SUGCT: variants seen among roughly 807,000 people sequenced by gnomAD.
SUGCT encodes succinyl-CoA:glutarate CoA-transferase.
SUGCT carries 41 observed loss-of-function variants against 55.0 expected under a neutral mutation model. The ratio of observed to expected loss-of-function variants is 0.74; its 90% CI spans 0.58 to 0.97. SUGCT has a LOEUF of 0.97. SUGCT is among the 50% of genes least tolerant of loss of function. The pLI is 0.00. For missense variants in SUGCT, 568 were observed against 547.8 expected (o/e 1.04, Z -0.37); for synonymous variants, 187 against 200.4 (o/e 0.93, Z 0.56).
intron 12 of SUGCT, among the ~76,000 whole-genome samples, chr7:40,597,825 A>T (rs1584094445): frequency 6.6e-6 from 1 of 152,198 alleles, no homozygotes; most frequent in Non-Finnish European, 1.5e-5. Context: ...GTTTTAAGCC[A>T]CTGAGATTTG....
intron 8 of SUGCT, among the ~76,000 whole-genome samples, chr7:40,301,460 C>T (rs989045717): frequency 2.6e-5 from 4 of 152,150 alleles, no homozygotes; most frequent in Admixed American, 6.5e-5. Flanking sequence ...AGCGTAAACA[C>T]GTAACAAGTA....
chr7:40,166,818 T>C (rs572535624), intron 1 of SUGCT, among the ~76,000 whole-genome samples: 47 of 145,898 alleles, frequency 3.2e-4, no homozygotes, highest in Non-Finnish European at 5.2e-4. Context: ...ACCCAGGAGG[T>C]GGAGGTTGCA....
intron 12 of SUGCT, among the ~76,000 whole-genome samples, chr7:40,650,373 G>A (rs1410533059): frequency 6.6e-6 from 1 of 152,160 alleles, no homozygotes; most frequent in African/African-American, 2.4e-5. Flanking sequence ...GACTATTGGA[G>A]GCCATCTTAG....
intron 9 of SUGCT, among the ~76,000 whole-genome samples, chr7:40,432,361 T>G (rs1256696214): frequency 6.6e-6 from 1 of 152,182 alleles, no homozygotes; most frequent in Non-Finnish European, 1.5e-5. Context: ...GACTCTTTTG[T>G]ACATAATGAG....
At chr7:40,164,596 A>G (rs753023127) in intron 1 of SUGCT, among the ~76,000 whole-genome samples, 3 of 152,138 alleles carry the variant, frequency 2.0e-5, no homozygotes, top group African/African-American at 4.8e-5. Flanking sequence ...GTTTTTTATT[A>G]TGCATAAACA....
At chr7:40,956,469 T>C in the SUGCT span, among the ~76,000 whole-genome samples, 20 of 152,178 alleles carry the variant, frequency 1.3e-4, no homozygotes, top group Non-Finnish European at 2.4e-4. Context: ...GGATCAGAGG[T>C]CATATTCCCT....
chr7:41,003,194 A>G, the SUGCT span, among the ~76,000 whole-genome samples: 7 of 152,232 alleles, frequency 4.6e-5, no homozygotes, highest in Non-Finnish European at 1.0e-4. Flanking sequence ...GTCCTTAGTC[A>G]TTTATGATTG....
rs143153888 is a variant in SUGCT, at chr7:40,612,853, C to G, written c.1089+116467C>G. On this transcript the variant is annotated intron_variant, in intron 12 of 13. Coordinates refer to ENST00000335693, the MANE Select transcript of SUGCT (RefSeq NM_001193313.2). ...GTCACTGCTTAAATCCTTGGAGCCACCAGATGCGGTGGCTCATGCCTGTAA... is the reference window on the plus strand; with the variant it reads ...GTCACTGCTTAAATCCTTGGAGCCAGCAGATGCGGTGGCTCATGCCTGTAA... Among the ~76,000 whole-genome samples the G allele has an allele frequency of 1.3e-4, 20 of 152,124 alleles. 1 individual carries two copies. The East Asian group carries it at 3.9e-3, about 29-fold the overall frequency.
intron 2 of SUGCT, 120 bp from the exon 3 acceptor site, chr7:40,181,835 A>G (rs1785230919): frequency 1.5e-5 from 9 of 609,998 alleles, no homozygotes; most frequent in South Asian, 1.0e-4. Flanking sequence ...TACAGTTTTA[A>G]CTGTTTTGAT....
intron 12 of SUGCT, among the ~76,000 whole-genome samples, chr7:40,699,391 G>A (rs578061190): frequency 1.5e-3 from 228 of 152,268 alleles, no homozygotes; most frequent in Middle Eastern, 6.8e-3. Flanking sequence ...AAGAAAGGGA[G>A]CTCAGGCCAC....
intron 1 of SUGCT, among the ~76,000 whole-genome samples, chr7:40,176,366 G>A (rs1045448833): frequency 2.0e-5 from 3 of 152,130 alleles, no homozygotes; most frequent in Non-Finnish European, 2.9e-5. Context: ...TCAAAACACT[G>A]CAGGGGGCTG....
intron 12 of SUGCT, among the ~76,000 whole-genome samples, chr7:40,669,210 G>A (rs1036325708): frequency 1.2e-4 from 18 of 151,988 alleles, no homozygotes; most frequent in Non-Finnish European, 4.4e-5. Context: ...AGGCCAAATG[G>A]GGAACCTAGA....
chr7:40,237,398 C>G (rs1225115078), intron 6 of SUGCT, among the ~76,000 whole-genome samples: 2 of 151,882 alleles, frequency 1.3e-5, no homozygotes, highest in Admixed American at 1.3e-4. Flanking sequence ...GAGCCGAGAT[C>G]GAACCACTAC....
Position 40,659,111 on chromosome 7 carries a change from T to C in SUGCT, c.1090-90323T>C, listed in dbSNP as rs187604417. Among the ~76,000 whole-genome samples the C allele has an allele frequency of 2.0e-3, 299 of 152,280 alleles. 1 individual carries two copies. The highest frequency in any genetic ancestry group is 6.9e-3 in the African/African-American group (287 of 41,556). Reference sequence around the variant, plus strand: ...CTTCTGGGAATGGATTAGGCAGGCTTTCTCTGATGTTATAGGGATCTAATA... The same window carrying C: ...CTTCTGGGAATGGATTAGGCAGGCTCTCTCTGATGTTATAGGGATCTAATA... On this transcript the variant is annotated intron_variant, in intron 12 of 13. Transcript: ENST00000335693.
chr7:40,262,495 C>A (rs991515574), intron 7 of SUGCT, among the ~76,000 whole-genome samples: 230 of 121,868 alleles, frequency 1.9e-3, no homozygotes, highest in African/African-American at 3.1e-3. Flanking sequence ...ACCGAAAATA[C>A]AAAAAAAAAA....
chr7:40,678,857 C>A (rs1248908908), intron 12 of SUGCT, among the ~76,000 whole-genome samples: 1 of 152,112 alleles, frequency 6.6e-6, no homozygotes, highest in Non-Finnish European at 1.5e-5. Context: ...TTAGAACAGT[C>A]CTTTCACTAC....
chr7:40,472,827 T>C (rs1790467911), intron 11 of SUGCT, among the ~76,000 whole-genome samples: 3 of 152,152 alleles, frequency 2.0e-5, no homozygotes, highest in Non-Finnish European at 1.5e-5. Context: ...CCTTCTGTTA[T>C]TAATTCATGT....
At chr7:40,899,730 C>T in the SUGCT span, among the ~76,000 whole-genome samples, 1 of 152,020 alleles carries the variant, frequency 6.6e-6, no homozygotes, top group African/African-American at 2.4e-5. Context: ...CACAAAACAC[C>T]TACTGTATAT....
chr7:40,722,177 T>C (rs1786376076), intron 12 of SUGCT, among the ~76,000 whole-genome samples: 1 of 151,858 alleles, frequency 6.6e-6, no homozygotes, highest in Non-Finnish European at 1.5e-5. Context: ...ACCAGTCAAC[T>C]CTCCTAAATA....
Sources: allele counts gnomAD v4.1 joint callset (sites outside exome capture counted in the v4.1 genomes callset), GRCh38; gene constraint gnomAD v4.1.1; transcripts MANE v1.5; gene names NCBI Gene and HGNC (gene_info 2026-07-23, HGNC 2026-07-21).